The following SATB1 variants were observed in gnomAD, a reference collection of about 807,000 sequenced individuals.
SATB1 encodes the protein DNA-binding protein SATB1.
SATB1 carries 11 observed loss-of-function variants against 86.9 expected under a neutral mutation model. The ratio of observed to expected loss-of-function variants is 0.13; its 90% CI spans 0.08 to 0.21. SATB1 has a LOEUF of 0.21. Ranked by LOEUF, SATB1 falls within the 10% of genes least tolerant of loss-of-function variation. The pLI is 1.00. For synonymous variants in SATB1, 357 were observed against 357.2 expected (o/e 1.00, Z 0.01); for missense variants, 551 against 937.6 (o/e 0.59, Z 5.39).
At chr3:18,360,287 T>A (rs58873307) in intron 9 of SATB1, among the ~76,000 whole-genome samples, 2,280 of 152,270 alleles carry the variant, frequency 0.015, 54 homozygotes, top group African/African-American at 0.052. Context: ...AGTGAGAATC[T>A]TTACATTAGT....
chr3:18,414,559 C>G (rs1414703186), intron 5 of SATB1, among the ~76,000 whole-genome samples: 1 of 151,988 alleles, frequency 6.6e-6, no homozygotes, highest in Non-Finnish European at 1.5e-5. Context: ...AGCCACAAAA[C>G]TGGTCACAAA....
intron 5 of SATB1, among the ~76,000 whole-genome samples, chr3:18,405,698 C>A (rs1697497305): frequency 6.6e-6 from 1 of 151,918 alleles, no homozygotes; most frequent in Admixed American, 6.6e-5. Flanking sequence ...GTCCTCCATG[C>A]ATTCCCAAAA....
upstream of SATB1, among the ~76,000 whole-genome samples, chr3:18,428,642 C>T (rs1187050904): frequency 6.6e-6 from 1 of 152,088 alleles, no homozygotes; most frequent in East Asian, 1.9e-4. Context: ...AATAGAAAAC[C>T]TCAGGAACAT....
chr3:18,386,730 G>T lies in SATB1; in HGVS notation c.1207-119C>A. On this transcript the variant is annotated intron_variant, in intron 7 of 10. Transcript: ENST00000338745. This position sits in a 1 kb window ranked among gnomAD's most constrained non-coding sequence, Gnocchi z 4.5. ...ATGAACAGTCAGAGGCATTAATTCT[G>T]CATAGGAATATATTAGTTACAACTG... 1 of 733,386 alleles carries T rather than the reference G, an allele frequency of 1.4e-6. No individual in the cohort carries two copies. The highest frequency in any genetic ancestry group is 2.3e-6 in the Non-Finnish European group (1 of 436,788). The allele number at this position is 733,386 out of a possible 1,614,324, so 45.4% of individuals were successfully genotyped here. A position where few individuals can be genotyped will look rare whatever the true frequency, so the allele number is the denominator to read the frequency against.
chr3:18,358,103 G>T (rs1220536747), intron 9 of SATB1, among the ~76,000 whole-genome samples: 1 of 151,896 alleles, frequency 6.6e-6, no homozygotes, highest in East Asian at 1.9e-4. Context: ...AAGTGGTATT[G>T]ATCTTTCCAA....
At chr3:18,421,670 A>G (rs1698403948) in intron 1 of SATB1, among the ~76,000 whole-genome samples, 2 of 152,192 alleles carry the variant, frequency 1.3e-5, no homozygotes, top group African/African-American at 4.8e-5. Context: ...CTAAAGAAAC[A>G]GGAAGAAGTG....
intron 9 of SATB1, among the ~76,000 whole-genome samples, chr3:18,361,583 T>G (rs1010025069): frequency 2.6e-5 from 4 of 152,166 alleles, no homozygotes; most frequent in African/African-American, 7.2e-5. Flanking sequence ...GACTGTTATT[T>G]GAAGCATAAA....
chr3:18,432,949 T>C (rs1698936171), intron 2 of SATB1, among the ~76,000 whole-genome samples: 2 of 150,940 alleles, frequency 1.3e-5, no homozygotes, highest in African/African-American at 2.5e-5. Flanking sequence ...CAATCTTACA[T>C]TGCTTTGTCC....
chr3:18,411,273 C>T (rs1171532198), intron 5 of SATB1, among the ~76,000 whole-genome samples: 1 of 151,994 alleles, frequency 6.6e-6, no homozygotes, highest in Non-Finnish European at 1.5e-5. Flanking sequence ...TGTGTGTGTG[C>T]ACGTGTGCAC....
In SATB1 at chr3:18,346,575, T is replaced by C. The variant is rs1694065459; in HGVS notation, c.*2595A>G. ...TCCATCCTATCAGTTTATTAACATG[T>C]GCTTGTGTGTGTGTGTGTGTGTGTG... On this transcript the variant is annotated 3_prime_UTR_variant, in exon 11 of 11. Coordinates refer to ENST00000338745, the MANE Select transcript of SATB1 (RefSeq NM_002971.6). 1.1e-5 allele frequency: 1 copy of C among 94,320 alleles called. No homozygotes were observed. The highest frequency in any genetic ancestry group is 1.3e-4 in the Admixed American group (1 of 7,992). 5.8% of individuals were successfully genotyped at this position (94,320 alleles called of 1,614,324 possible). A position where few individuals can be genotyped will look rare whatever the true frequency, so the allele number is the denominator to read the frequency against.
chr3:18,400,344 T>C (rs1009627472), intron 5 of SATB1, among the ~76,000 whole-genome samples: 1 of 152,180 alleles, frequency 6.6e-6, no homozygotes, highest in Non-Finnish European at 1.5e-5. Context: ...TAAATGTTCA[T>C]CTGACAAAAC....
upstream of SATB1, among the ~76,000 whole-genome samples, chr3:18,440,142 G>A (rs1310140657): frequency 1.3e-5 from 2 of 152,144 alleles, no homozygotes; most frequent in African/African-American, 4.8e-5. Flanking sequence ...GAACTTTGTA[G>A]AAAGTTAATT....
chr3:18,425,684 G>C (rs989123242), upstream of SATB1, among the ~76,000 whole-genome samples: 2 of 151,752 alleles, frequency 1.3e-5, no homozygotes, highest in African/African-American at 4.8e-5. Context: ...GCGAGGGCTA[G>C]CGCCGGCCGC....
In SATB1 at chr3:18,347,448, C is replaced by A. The variant is rs919163280; in HGVS notation, c.*1722G>T. On this transcript the variant is annotated 3_prime_UTR_variant, in exon 11 of 11. Coordinates refer to ENST00000338745, the MANE Select transcript of SATB1 (RefSeq NM_002971.6). ...ATGTAGCTCTTATAGTTATGAGATA[C>A]ACTTACGAGCTCAGTTATTAACTTA... 1 of 151,508 alleles carries A rather than the reference C, an allele frequency of 6.6e-6. No individual in the cohort carries two copies. Among genetic ancestry groups the A allele is most frequent in the African/African-American group, 2.4e-5 (1 of 41,132 alleles). 9.4% of individuals were successfully genotyped at this position (151,508 alleles called of 1,614,324 possible). A position where few individuals can be genotyped will look rare whatever the true frequency, so the allele number is the denominator to read the frequency against.
At chr3:18,430,205 ACTC>A (rs767154799), upstream of SATB1, among the ~76,000 whole-genome samples, 127 of 152,260 alleles carry the variant, frequency 8.3e-4, 2 homozygotes, top group Non-Finnish European at 1.5e-3. Flanking sequence ...ACCCTAGAGA[ACTC>A]CTTTAAAAGA....
chr3:18,440,790 T>C (rs899211722), upstream of SATB1, among the ~76,000 whole-genome samples: 1 of 152,246 alleles, frequency 6.6e-6, no homozygotes. Flanking sequence ...CATCACAGAG[T>C]TTTGGAGTTT....
intron 6 of SATB1, among the ~76,000 whole-genome samples, chr3:18,395,222 C>T (rs1384871799): frequency 6.6e-6 from 1 of 152,092 alleles, no homozygotes; most frequent in Non-Finnish European, 1.5e-5. Context: ...CACTTATTAC[C>T]CCAAGAAGGC....
intron 5 of SATB1, among the ~76,000 whole-genome samples, chr3:18,410,614 T>C (rs1434605489): frequency 6.6e-6 from 1 of 152,082 alleles, no homozygotes. Context: ...ACATAGGAAA[T>C]GGAATGCCTG....
chr3:18,444,726 C>G lies in SATB1; in HGVS notation c.-25+792G>C. Reference sequence around the variant, plus strand: ...AGGCGGCGGCTTCTGCCTCTCCTGCCGCCGCCGCCGCCGCCGGAGCTGCGG... The same window carrying G: ...AGGCGGCGGCTTCTGCCTCTCCTGCGGCCGCCGCCGCCGCCGGAGCTGCGG... On this transcript the variant is annotated intron_variant, in intron 1 of 3. Coordinates refer to the SATB1 transcript ENST00000415069. This position sits in a 1 kb window ranked among gnomAD's most constrained non-coding sequence, Gnocchi z 5.1. 1.4e-6 allele frequency: 1 copy of G among 738,500 alleles called. No individual in the cohort carries two copies. The allele number at this position is 738,500 out of a possible 1,614,324, so 45.7% of individuals were successfully genotyped here.
Sources: allele counts gnomAD v4.1 joint callset (sites outside exome capture counted in the v4.1 genomes callset), GRCh38; gene constraint gnomAD v4.1.1; non-coding constraint Gnocchi (gnomAD v3.1); transcripts MANE v1.5; gene names NCBI Gene and HGNC (gene_info 2026-07-23, HGNC 2026-07-21).